SNX31: variants seen among roughly 807,000 people sequenced by gnomAD.
SNX31 encodes the protein sorting nexin 31.
In SNX31, 58 loss-of-function variants were observed where a neutral mutation model predicts 65.4. That is an observed-to-expected ratio of 0.89 (90% CI 0.72 to 1.10). SNX31 has a LOEUF of 1.10. Among genes scored for constraint, SNX31 ranks in the 50% least tolerant of loss-of-function variants. The pLI is 0.00. For missense variants in SNX31, 523 were observed against 529.7 expected, an observed-to-expected ratio of 0.99 and a Z score of 0.12; for synonymous variants, 181 against 190.1, an observed-to-expected ratio of 0.95 and a Z score of 0.39.
chr8:100,641,465 A>G (rs1819171082), intron 2 of SNX31, among the ~76,000 whole-genome samples: 1 of 143,940 alleles, frequency 6.9e-6, no homozygotes, highest in Non-Finnish European at 1.5e-5. Context: ...CCTGAGCTGG[A>G]GACTTCAAGG....
chr8:100,655,836 A>T (rs1384078969), intron 1 of SNX31, among the ~76,000 whole-genome samples: 1 of 152,104 alleles, frequency 6.6e-6, no homozygotes, highest in African/African-American at 2.4e-5. Context: ...CCTATGGGAG[A>T]AGGTGTGGAC....
rs542437204 is a variant in SNX31 at position 100,612,822 on chromosome 8, C to T, written c.523+173G>A. Among the ~76,000 whole-genome samples, 5 of 152,224 alleles carry T rather than the reference C, an allele frequency of 3.3e-5. No individual in the cohort carries two copies. The highest frequency in any genetic ancestry group is 9.6e-5 in the African/African-American group (4 of 41,518). On this transcript the variant is annotated intron_variant, in intron 6 of 13. Coordinates refer to ENST00000311812, the MANE Select transcript of SNX31 (RefSeq NM_152628.4). This position sits in a 1 kb window ranked among gnomAD's most constrained non-coding sequence, Gnocchi z 4.3. ...GTATGAGCGGTTTGCCCCCACTCTC[C>T]CCTAACAAGGACGCAACCTCCTATT...
At chr8:100,582,769 A>G (rs190078735) in intron 12 of SNX31, among the ~76,000 whole-genome samples, 39 of 152,028 alleles carry the variant, frequency 2.6e-4, no homozygotes, top group African/African-American at 9.2e-4. Flanking sequence ...TGAGGTCAGG[A>G]GATCGAGACC....
chr8:100,574,690 G>A (rs547318860), intron 13 of SNX31, among the ~76,000 whole-genome samples: 7 of 150,804 alleles, frequency 4.6e-5, no homozygotes, highest in African/African-American at 7.3e-5. Flanking sequence ...ATCCCAGCAC[G>A]TTGGGAGGCT....
At position 100,612,127 on chromosome 8, in the gene SNX31, CACAG is replaced by C. The variant is rs781146653; in HGVS notation, c.524-44_524-41del. On this transcript the variant is annotated intron_variant, in intron 6 of 13. Transcript: ENST00000311812. This position sits in a 1 kb window ranked among gnomAD's most constrained non-coding sequence, Gnocchi z 4.3. ...AAGCCGGTCTTACTGGTTGAAACAG[CACAG>C]ACAGCTTATATATAGCAGCTTTCAA... is the stretch of plus-strand genomic sequence containing the variant. 1 of 1,334,292 alleles carries C rather than the reference CACAG, an allele frequency of 7.5e-7. No homozygotes were observed. Among genetic ancestry groups the C allele is most frequent in the Non-Finnish European group, 1.1e-6 (1 of 927,852 alleles). 82.7% of individuals were successfully genotyped at this position (1,334,292 alleles called of 1,614,324 possible).
Position 100,584,125 on chromosome 8 carries a change from C to T in SNX31, c.1156G>A (p.Glu386Lys). Residue 386 changes from glutamate (E) to lysine (K), a missense_variant, in exon 12 of 14, where the codon GAG (glutamate) becomes AAG (lysine). Transcript: ENST00000311812. The part of the protein sequence containing the change: ...ISEKMVKLAA[E>K]NTEMQIEVPE... ...AGAGCACTCACCATTTCTGTATTCT[C>T]AGCAGCTAGCTTTACCATCTTTTCT... 6.2e-7 allele frequency: 1 copy of T among 1,604,226 alleles called. No homozygotes were observed. The highest frequency in any genetic ancestry group is 8.5e-7 in the Non-Finnish European group (1 of 1,176,420).
At chr8:100,602,087 C>A (rs960237607) in intron 8 of SNX31, among the ~76,000 whole-genome samples, 3 of 152,204 alleles carry the variant, frequency 2.0e-5, no homozygotes, top group Non-Finnish European at 4.4e-5. Flanking sequence ...GGCTGTCAAT[C>A]CCTAAGGGAA....
chr8:100,592,135 T>C (rs1361258853), intron 10 of SNX31, among the ~76,000 whole-genome samples: 1 of 152,156 alleles, frequency 6.6e-6, no homozygotes, highest in Non-Finnish European at 1.5e-5. Context: ...ATGATGGAAT[T>C]AGTAGCAAAA....
chr8:100,596,929 C>T, intron 9 of SNX31, 87 bp from the exon 10 acceptor site: 1 of 1,104,964 alleles, frequency 9.1e-7, no homozygotes, highest in Non-Finnish European at 1.4e-6. Flanking sequence ...ATGTCAGAAG[C>T]TACTGCCATT....
At chr8:100,631,561 T>C (rs115479702) in intron 3 of SNX31, among the ~76,000 whole-genome samples, 2 of 151,398 alleles carry the variant, frequency 1.3e-5, no homozygotes, top group African/African-American at 2.4e-5. Flanking sequence ...CCTCAGTCTC[T>C]CAAGTTTTTG....
At chr8:100,642,074 A>G (rs190524158) in intron 2 of SNX31, among the ~76,000 whole-genome samples, 77 of 120,972 alleles carry the variant, frequency 6.4e-4, no homozygotes, top group African/African-American at 2.5e-3. Context: ...GCGAGACTCC[A>G]TCTCAAACAA....
chr8:100,580,104 G>C (rs1404666498), intron 12 of SNX31, among the ~76,000 whole-genome samples: 1 of 149,482 alleles, frequency 6.7e-6, no homozygotes, highest in Non-Finnish European at 1.5e-5. Context: ...GGAGGTTGCA[G>C]TGAGCTGAGA....
chr8:100,630,220 T>C lies in SNX31; in HGVS notation c.321+107A>G. 1.0e-6 allele frequency: 1 copy of C among 970,134 alleles called. No individual in the cohort carries two copies. Among genetic ancestry groups the C allele is most frequent in the Non-Finnish European group, 1.5e-6 (1 of 647,184 alleles). The allele number at this position is 970,134 out of a possible 1,614,324, so 60.1% of individuals were successfully genotyped here. ...GAATATATTTTGTCCAAGTCCAGGC[T>C]CTGTGGGGCTGTGACCAGTGCACAC... is the stretch of plus-strand genomic sequence containing the variant. On this transcript the variant is annotated intron_variant, in intron 4 of 13. Transcript: ENST00000311812. The surrounding 1 kb of genome is among the most constrained non-coding windows in gnomAD (Gnocchi z 5.3).
chr8:100,639,927 A>G (rs1388942932), intron 2 of SNX31, among the ~76,000 whole-genome samples: 8 of 152,192 alleles, frequency 5.3e-5, no homozygotes, highest in African/African-American at 1.9e-4. Context: ...CAAATCAGGA[A>G]TGGGAGTATG....
chr8:100,643,847 A>C (rs527920977), intron 2 of SNX31, among the ~76,000 whole-genome samples: 5 of 152,304 alleles, frequency 3.3e-5, no homozygotes, highest in Middle Eastern at 3.4e-3. Flanking sequence ...TTTTGCTTAT[A>C]AATAATCAGG....
intron 12 of SNX31, among the ~76,000 whole-genome samples, chr8:100,582,749 G>A (rs977711500): frequency 5.3e-5 from 8 of 152,052 alleles, no homozygotes; most frequent in South Asian, 2.1e-4. Context: ...AGGCCGAGGC[G>A]GGCGGATCAT....
chr8:100,624,778 A>C (rs1331848161), intron 4 of SNX31, among the ~76,000 whole-genome samples: 1 of 152,194 alleles, frequency 6.6e-6, no homozygotes, highest in Non-Finnish European at 1.5e-5. Context: ...GTATAAAAAA[A>C]CAAAACATTA....
upstream of SNX31, among the ~76,000 whole-genome samples, chr8:100,652,603 T>C (rs1314085218): frequency 2.0e-5 from 3 of 152,198 alleles, no homozygotes; most frequent in African/African-American, 7.2e-5. Context: ...TTTCCTACTT[T>C]GAAAGCCTTA....
chr8:100,612,301 G>T lies in SNX31; in HGVS notation c.524-214C>A, dbSNP rs1816782210. Among the ~76,000 whole-genome samples the T allele has an allele frequency of 6.6e-6, 1 of 151,936 alleles. No individual in the cohort carries two copies. The highest frequency in any genetic ancestry group is 1.5e-5 in the Non-Finnish European group (1 of 67,992). On this transcript the variant is annotated intron_variant, in intron 6 of 13. Coordinates refer to ENST00000311812, the MANE Select transcript of SNX31 (RefSeq NM_152628.4). The surrounding 1 kb of genome is among the most constrained non-coding windows in gnomAD (Gnocchi z 4.3). ...AAAAAAAAACAGCCCCTTGAGTGGGGGGTGTTTTACACTGTGATATAGATG... is the reference window on the plus strand; with the variant it reads ...AAAAAAAAACAGCCCCTTGAGTGGGTGGTGTTTTACACTGTGATATAGATG...
Sources: allele counts gnomAD v4.1 joint callset (sites outside exome capture counted in the v4.1 genomes callset), GRCh38; gene constraint gnomAD v4.1.1; non-coding constraint Gnocchi (gnomAD v3.1); transcripts MANE v1.5; gene names NCBI Gene and HGNC (gene_info 2026-07-23, HGNC 2026-07-21).